Variants in RRAGC observed in about 807,000 individuals in gnomAD.
RRAGC encodes Ras related GTP binding C, also known as ras-related GTP-binding protein C.
A neutral mutation model predicts 37.1 loss-of-function variants in RRAGC; 8 were observed. The observed-to-expected ratio is 0.22, with a 90% CI of 0.13 to 0.39. The LOEUF is 0.39. Among genes scored for constraint, RRAGC ranks in the 10% least tolerant of loss-of-function variants. The pLI is 1.00. For missense variants in RRAGC, 342 were observed against 497.6 expected, an observed-to-expected ratio of 0.69 and a Z score of 2.98; for synonymous variants, 190 against 181.1, an observed-to-expected ratio of 1.05 and a Z score of -0.39.
At chr1:38,842,505 C>G (rs1641977189) in intron 6 of RRAGC, among the ~76,000 whole-genome samples, 1 of 152,140 alleles carries the variant, frequency 6.6e-6, no homozygotes, top group African/African-American at 2.4e-5. Context: ...AATAATTAAA[C>G]AGTCTAACAA....
rs374224892 is a variant in RRAGC at position 38,855,857 on chromosome 1, G to A, written c.492C>T (p.Ala164=). 2 of 1,613,822 alleles carry A rather than the reference G, an allele frequency of 1.2e-6. No homozygotes were observed. Among genetic ancestry groups the A allele is most frequent in the African/African-American group, 2.7e-5 (2 of 74,888 alleles). Residue 164 remains alanine, a synonymous_variant, in exon 3 of 7, where the codon GCC becomes GCT. Coordinates refer to ENST00000373001, the MANE Select transcript of RRAGC (RefSeq NM_022157.4). Reference sequence around the variant, plus strand: ...AATTCATGTCTGGGTTAACTTTGTAGGCTTTAGAAACAGTAATGTGAAGTC... The same window carrying A: ...AATTCATGTCTGGGTTAACTTTGTAAGCTTTAGAAACAGTAATGTGAAGTC... ...LTRLHITVSK[A]YKVNPDMNFE...
chr1:38,855,127 AC>A (rs1332657086), intron 3 of RRAGC, among the ~76,000 whole-genome samples: 1 of 152,158 alleles, frequency 6.6e-6, no homozygotes, highest in Non-Finnish European at 1.5e-5. Context: ...AGATAAACCC[AC>A]CTAAGCCAAA....
Position 38,859,298 on chromosome 1 carries a change from T to C in RRAGC, c.237+112A>G, listed in dbSNP as rs1223473416. The stretch of plus-strand genomic sequence containing the variant: ...GCGCTCGCAAGAGTGGAAGAGAAAG[T>C]GCGGAGGGACGGAGCGCAGGCGGGC... On this transcript the variant is annotated intron_variant, in intron 1 of 6. Transcript: ENST00000373001. 5 of 999,796 alleles carry C rather than the reference T, an allele frequency of 5.0e-6. No individual in the cohort carries two copies. The African/African-American group carries it at 6.6e-5, about 13-fold the overall frequency. 61.9% of individuals were successfully genotyped at this position (999,796 alleles called of 1,614,324 possible).
At chr1:38,843,171 T>C (rs936880872) in intron 6 of RRAGC, among the ~76,000 whole-genome samples, 2 of 152,012 alleles carry the variant, frequency 1.3e-5, no homozygotes, top group Non-Finnish European at 2.9e-5. Context: ...CTCTACAAAA[T>C]ATTTTAAAAT....
chr1:38,842,946 ATTGT>A lies in RRAGC; in HGVS notation c.1048+2989_1048+2992del, dbSNP rs1445144492. On this transcript the variant is annotated intron_variant, in intron 6 of 6. Coordinates refer to ENST00000373001, the MANE Select transcript of RRAGC (RefSeq NM_022157.4). ...TTTTATATCATTTATACAATACTCT[ATTGT>A]TTAAGGATAGACATGAAGTGAAAAA... Among the ~76,000 whole-genome samples, 43 of 152,344 alleles carry A rather than the reference ATTGT, an allele frequency of 2.8e-4. 1 individual carries two copies. Among genetic ancestry groups the A allele is most frequent in the African/African-American group, 1.0e-3 (42 of 41,570 alleles).
In RRAGC at chr1:38,839,672, T is replaced by C; in HGVS notation, c.1081A>G (p.Lys361Glu). 6.2e-7 allele frequency: 1 copy of C among 1,614,168 alleles called. No homozygotes were observed. The highest frequency in any genetic ancestry group is 8.5e-7 in the Non-Finnish European group (1 of 1,180,024). Residue 361 changes from lysine (K) to glutamate (E), a missense_variant, in exon 7 of 7, where the codon AAA becomes GAA. By Grantham distance (56) the Lys-to-Glu change is moderately conservative (BLOSUM62 1). Coordinates refer to ENST00000373001, the MANE Select transcript of RRAGC (RefSeq NM_022157.4). Reference sequence around the variant, plus strand: ...ACCTCAAAAACCTCATGAATAGCTTTTCGGAAACAGTGGAAGTTGTAGTCT... The same window carrying C: ...ACCTCAAAAACCTCATGAATAGCTTCTCGGAAACAGTGGAAGTTGTAGTCT... ...LIDYNFHCFR[K>E]AIHEVFEVGV...
rs184780039 is a variant in RRAGC, at chr1:38,839,272, C to T, written c.*281G>A. On this transcript the variant is annotated 3_prime_UTR_variant, in exon 7 of 7. Transcript: ENST00000373001. ...TATCTCCAGGTCCAAAATATCCCAA[C>T]TACTTAAAGGGGACCCAAAAGAGGA... 2 of 305,234 alleles carry T rather than the reference C, an allele frequency of 6.6e-6. No individual in the cohort carries two copies. The highest frequency in any genetic ancestry group is 4.3e-5 in the African/African-American group (2 of 46,736). The allele number at this position is 305,234 out of a possible 1,614,324, so 18.9% of individuals were successfully genotyped here.
In RRAGC at chr1:38,859,640, G is replaced by A. The variant is rs1642213295; in HGVS notation, c.7C>T (p.Leu3=). 2.6e-6 allele frequency: 4 copies of A among 1,555,038 alleles called. No homozygotes were observed. The highest frequency in any genetic ancestry group is 2.4e-5 in the South Asian group (2 of 84,558). MS[L]QYGAEETPLA... ...GGCGTCTCCTCCGCCCCGTACTGCAGGGACATGGTGCTGGAGCCGCCGCCG... is the reference window on the plus strand; with the variant it reads ...GGCGTCTCCTCCGCCCCGTACTGCAAGGACATGGTGCTGGAGCCGCCGCCG... The change falls in exon 1 of 7, where the codon CTG becomes TTG. Residue 3 remains leucine, a synonymous_variant. Coordinates refer to ENST00000373001, the MANE Select transcript of RRAGC (RefSeq NM_022157.4).
Position 38,857,068 on chromosome 1 carries a change from C to G in RRAGC, c.252G>C (p.Lys84Asn). The change falls in exon 2 of 7, where the codon AAG becomes AAC. Residue 84 changes from lysine to asparagine, a missense_variant. Lys to Asn is a moderately conservative substitution (Grantham distance 94). Coordinates refer to ENST00000373001, the MANE Select transcript of RRAGC (RefSeq NM_022157.4). ...KSSIQKVVFH[K>N]MSPNETLFLE... ...AAAAGAGGGTCTCGTTGGGTGACAT[C>G]TTATGAAACACCACCTGTTAAAAGA... is the stretch of plus-strand genomic sequence containing the variant. The G allele has an allele frequency of 1.2e-6, 2 of 1,612,048 alleles. No individual in the cohort carries two copies. The highest frequency in any genetic ancestry group is 1.7e-6 in the Non-Finnish European group (2 of 1,178,298).
chr1:38,855,191 C>T (rs1309516833), intron 3 of RRAGC, among the ~76,000 whole-genome samples: 1 of 152,112 alleles, frequency 6.6e-6, no homozygotes, highest in Non-Finnish European at 1.5e-5. Flanking sequence ...AGATATATTA[C>T]AGTCAGTCCA....
intron 3 of RRAGC, among the ~76,000 whole-genome samples, chr1:38,853,888 A>G (rs1181110331): frequency 2.0e-5 from 3 of 152,126 alleles, no homozygotes; most frequent in Non-Finnish European, 4.4e-5. Context: ...GGAATATTTT[A>G]GTGTTTCCTG....
At chr1:38,857,619 A>G (rs1460478129) in intron 1 of RRAGC, among the ~76,000 whole-genome samples, 3 of 152,216 alleles carry the variant, frequency 2.0e-5, no homozygotes, top group African/African-American at 7.2e-5. Flanking sequence ...CTGACAGGGA[A>G]AAGATAGCTC....
chr1:38,859,266 CG>C, intron 1 of RRAGC, 143 bp downstream of exon 1: 1 of 813,228 alleles, frequency 1.2e-6, no homozygotes, highest in Non-Finnish European at 1.9e-6. Context: ...GCGCGGGCCG[CG>C]CCTGTGCGCT....
Position 38,852,386 on chromosome 1 carries a change from AT to A in RRAGC, c.743del (p.Asn248IlefsTer41). On this transcript the variant is annotated frameshift_variant, in exon 4 of 7. Coordinates refer to ENST00000373001, the MANE Select transcript of RRAGC (RefSeq NM_022157.4). LOFTEE classifies it high-confidence loss of function. ...PQLPTLENLL[N>X]IFISNSGIEK... is the part of the protein sequence containing the mutation. ...ATTGCTCACTTACTGATATAAAGAT[AT>A]TTAATAGGTTTTCCAAGGTCGGCAG... 6.4e-7 allele frequency: 1 copy of A among 1,553,526 alleles called. No individual in the cohort carries two copies. The highest frequency in any genetic ancestry group is 8.9e-7 in the Non-Finnish European group (1 of 1,125,806).
At chr1:38,841,676 T>A (rs188028731) in intron 6 of RRAGC, among the ~76,000 whole-genome samples, 8,310 of 148,724 alleles carry the variant, frequency 0.056, 263 homozygotes, top group Non-Finnish European at 0.064. Flanking sequence ...AAAAAAAAAA[T>A]TTTTTTAAGA....
chr1:38,858,086 G>A (rs1642188517), intron 1 of RRAGC, among the ~76,000 whole-genome samples: 1 of 152,162 alleles, frequency 6.6e-6, no homozygotes, highest in African/African-American at 2.4e-5. Flanking sequence ...AGTAACAAAT[G>A]TGAATAACTG....
chr1:38,846,344 T>G, intron 5 of RRAGC: 1 of 341,928 alleles, frequency 2.9e-6, no homozygotes, highest in Non-Finnish European at 5.2e-6. Flanking sequence ...TGCAAACATA[T>G]GTATATCTTA....
At chr1:38,852,696 C>T in intron 3 of RRAGC, 1 of 356,572 alleles carries the variant, frequency 2.8e-6, no homozygotes, top group Non-Finnish European at 5.0e-6. Flanking sequence ...ACACAGGGGG[C>T]AACTGAAGTA....
At chr1:38,851,940 T>C (rs900373661) in intron 4 of RRAGC, among the ~76,000 whole-genome samples, 183 bp from the exon 5 acceptor site, 11 of 152,244 alleles carry the variant, frequency 7.2e-5, no homozygotes, top group African/African-American at 1.9e-4. Flanking sequence ...AGAGGAATTA[T>C]TTCTCTACTC....
Sources: allele counts gnomAD v4.1 joint callset (sites outside exome capture counted in the v4.1 genomes callset), GRCh38; gene constraint gnomAD v4.1.1; transcripts MANE v1.5; gene names NCBI Gene and HGNC (gene_info 2026-07-23, HGNC 2026-07-21).